Variants in FAM120C observed in about 807,000 individuals in gnomAD.
FAM120C encodes family with sequence similarity 120 member C.
A neutral mutation model predicts 71.2 loss-of-function variants in FAM120C; 14 were observed. The ratio of observed to expected loss-of-function variants is 0.20; its 90% CI spans 0.13 to 0.31. FAM120C has a LOEUF of 0.31. FAM120C is among the 10% of genes least tolerant of loss of function. The probability of loss-of-function intolerance (pLI) is 1.00; values close to 1 mark genes in which losing one functional copy is unlikely to be tolerated. For synonymous variants in FAM120C, 354 were observed against 353.2 expected (o/e 1.00, Z -0.03); for missense variants, 500 against 879.0 (o/e 0.57, Z 5.45).
At chrX:54,094,018 T>C (rs2066836689) in intron 10 of FAM120C, among the ~76,000 whole-genome samples, 1 of 110,139 alleles carries the variant, frequency 9.1e-6, no homozygotes, top group African/African-American at 3.3e-5. Context: ...CTACAAAGTA[T>C]GTCGTGGCAA....
intron 9 of FAM120C, among the ~76,000 whole-genome samples, chrX:54,128,327 G>A (rs1183342191): frequency 8.9e-6 from 1 of 112,442 alleles, no homozygotes; most frequent in Non-Finnish European, 1.9e-5. Flanking sequence ...CCAAAGTGCT[G>A]GGATTACAGG....
intron 15 of FAM120C, among the ~76,000 whole-genome samples, chrX:54,074,506 C>T (rs781887385): frequency 1.8e-5 from 2 of 112,721 alleles, no homozygotes; most frequent in Non-Finnish European, 1.9e-5. Context: ...GCAACCTCCG[C>T]CTCCTGGATT....
intron 3 of FAM120C, among the ~76,000 whole-genome samples, chrX:54,154,598 C>G (rs1457986120): frequency 2.2e-5 from 1 of 44,856 alleles, no homozygotes; most frequent in African/African-American, 9.7e-5. Context: ...CACAGCGAGA[C>G]TCCATCTCAA....
Position 54,084,144 on chromosome X carries a change from G to A in FAM120C, c.2839+1571C>T, listed in dbSNP as rs144607857. Among the ~76,000 whole-genome samples the A allele has an allele frequency of 5.4e-5, 6 of 112,118 alleles. No individual in the cohort carries two copies. In the East Asian group the frequency reaches 1.7e-3, roughly 31 times the overall value. On this transcript the variant is annotated intron_variant, in intron 13 of 15. Transcript: ENST00000375180. The stretch of plus-strand genomic sequence containing the variant: ...ACTGGAGACTAAGCATCACTGGTAG[G>A]TAGGGCAGTGGTGACCTTCCAAGAA...
intron 4 of FAM120C, among the ~76,000 whole-genome samples, chrX:54,139,379 C>A (rs947795220): frequency 1.5e-5 from 1 of 65,819 alleles, no homozygotes; most frequent in Admixed American, 1.9e-4. Context: ...TGGAGTCTTG[C>A]TCTGTGCCCA....
Position 54,159,506 on chromosome X carries a change from G to A in FAM120C, c.810C>T (p.Pro270=), listed in dbSNP as rs782194867. ...HDSEYALYNI[P]SYYSSHALKL... is the part of the protein sequence containing the mutation. ...TCAGAGCATGGGAACTGTAGTAAGA[G>A]GGAATATTGTAGAGAGCATACTCGG... The change falls in exon 2 of 16, where the codon CCC becomes CCT. Residue 270 remains proline (P), a synonymous_variant. Coordinates refer to ENST00000375180, the MANE Select transcript of FAM120C (RefSeq NM_017848.6). 1 of 1,209,110 alleles carries A rather than the reference G, an allele frequency of 8.3e-7. No individual in the cohort carries two copies. Among genetic ancestry groups the A allele is most frequent in the African/African-American group, 1.8e-5 (1 of 56,949 alleles).
intron 11 of FAM120C, among the ~76,000 whole-genome samples, chrX:54,090,909 T>C (rs2066820901): frequency 9.0e-6 from 1 of 110,698 alleles, no homozygotes; most frequent in South Asian, 3.9e-4. Context: ...CTTCAGTGGG[T>C]GGGTTTATTT....
chrX:54,135,255 T>C, intron 6 of FAM120C, 144 bp from the exon 7 acceptor site: 1 of 605,261 alleles, frequency 1.7e-6, no homozygotes, highest in Non-Finnish European at 2.5e-6. Flanking sequence ...TGAGAAATGA[T>C]GTATGAACAG....
chrX:54,073,433 C>A, intron 15 of FAM120C, 146 bp from the exon 16 acceptor site: 1 of 418,977 alleles, frequency 2.4e-6, no homozygotes, highest in Non-Finnish European at 3.7e-6. Context: ...CTAGTACAAT[C>A]TTTTTTTTTT....
intron 9 of FAM120C, among the ~76,000 whole-genome samples, chrX:54,122,949 A>G (rs1341908437): frequency 0.015 from 249 of 16,961 alleles, 4 homozygotes; most frequent in Non-Finnish European, 0.019. Flanking sequence ...GCTTGTCTAT[A>G]AAGTATTTTA....
chrX:54,117,921 T>A (rs1337663451), intron 9 of FAM120C, among the ~76,000 whole-genome samples: 1 of 110,877 alleles, frequency 9.0e-6, no homozygotes, highest in Non-Finnish European at 1.9e-5. Context: ...AAAATCAACA[T>A]CTTTTAGATT....
chrX:54,135,488 T>C, intron 6 of FAM120C, 40 bp downstream of exon 6: 1 of 1,136,409 alleles, frequency 8.8e-7, no homozygotes, highest in Non-Finnish European at 1.2e-6. Flanking sequence ...GGAAGCAACC[T>C]GAGTCTAATG....
At chrX:54,165,583 C>A (rs1173285368) in intron 1 of FAM120C, among the ~76,000 whole-genome samples, 3 of 109,992 alleles carry the variant, frequency 2.7e-5, no homozygotes, top group Non-Finnish European at 5.7e-5. Context: ...TCAAGACCAG[C>A]CTGGCCAACA....
chrX:54,073,350 AT>A, intron 15 of FAM120C, 63 bp from the exon 16 acceptor site: 1 of 1,105,985 alleles, frequency 9.0e-7, no homozygotes, highest in South Asian at 2.3e-5. Flanking sequence ...CTTCCTAAGC[AT>A]ATTCATAAGC....
intron 4 of FAM120C, among the ~76,000 whole-genome samples, chrX:54,137,582 T>A: frequency 8.9e-6 from 1 of 112,027 alleles, no homozygotes; most frequent in Non-Finnish European, 1.9e-5. Flanking sequence ...ATTTTTCACA[T>A]TTGGCTTTTG....
intron 1 of FAM120C, among the ~76,000 whole-genome samples, chrX:54,163,193 A>G (rs1557134610): frequency 8.9e-6 from 1 of 112,097 alleles, no homozygotes. Flanking sequence ...AGAACTGAAA[A>G]TCTATGTTCA....
At chrX:54,085,531 G>C (rs1233428343) in intron 13 of FAM120C, among the ~76,000 whole-genome samples, 184 bp downstream of exon 13, 1 of 105,979 alleles carries the variant, frequency 9.4e-6, no homozygotes, top group Non-Finnish European at 2.0e-5. Context: ...AGGTTGCAGT[G>C]AGCCGAGATC....
chrX:54,091,513 C>T (rs1186858952), intron 10 of FAM120C, 87 bp from the exon 11 acceptor site: 7 of 604,159 alleles, frequency 1.2e-5, no homozygotes, highest in South Asian at 3.8e-5. Flanking sequence ...CTATCATGAG[C>T]CAGTACTTGG....
At chrX:54,126,132 G>C (rs1216163165) in intron 9 of FAM120C, among the ~76,000 whole-genome samples, 1 of 111,739 alleles carries the variant, frequency 8.9e-6, no homozygotes, top group Non-Finnish European at 1.9e-5. Flanking sequence ...TTTCTACACA[G>C]ACTGACTATA....
Sources: gnomAD v4.1 joint callset for allele counts (sites outside exome capture counted in the v4.1 genomes callset) on GRCh38, gnomAD v4.1.1 for gene constraint, MANE v1.5 for transcripts, NCBI Gene and HGNC (gene_info 2026-07-23, HGNC 2026-07-21) for gene names.